The following CD101 variants were observed in gnomAD, a reference collection of about 807,000 sequenced individuals.
CD101 encodes the protein immunoglobulin superfamily member 2.
In CD101, 76 loss-of-function variants were observed where a neutral mutation model predicts 98.2. That is an observed-to-expected ratio of 0.77 (90% CI 0.64 to 0.94). The LOEUF (loss-of-function observed/expected upper bound fraction) is 0.94, where lower values mean the gene tolerates loss of function less well. CD101 is among the 40% of genes least tolerant of loss of function. The probability of loss-of-function intolerance (pLI) is 0.00; values close to 1 mark genes in which losing one functional copy is unlikely to be tolerated. For missense variants in CD101, 1,145 were observed against 1,218.8 expected (o/e 0.94, Z 0.90); for synonymous variants, 471 against 472.7 (o/e 1.00, Z 0.05).
rs1047886379 is a variant in CD101, at chr1:117,012,373, C to A, written c.841+407C>A. ...AGACATGCTAGATGCGCTGCCTAAG[C>A]CCACCCAGCTGGTGAGAGTGGGGCT... On this transcript the variant is annotated intron_variant, in intron 3 of 9. Coordinates refer to ENST00000682167, the MANE Select transcript of CD101 (RefSeq NM_001256106.3). The surrounding 1 kb of genome is among the most constrained non-coding windows in gnomAD (Gnocchi z 4.0). Among the ~76,000 whole-genome samples, 2 of 152,188 alleles carry A rather than the reference C, an allele frequency of 1.3e-5. No homozygotes were observed. Among genetic ancestry groups the A allele is most frequent in the African/African-American group, 2.4e-5 (1 of 41,450 alleles).
At chr1:117,028,552 G>A (rs1654114596) in intron 8 of CD101, among the ~76,000 whole-genome samples, 1 of 152,198 alleles carries the variant, frequency 6.6e-6, no homozygotes, top group African/African-American at 2.4e-5. Flanking sequence ...GTCATCCATA[G>A]GTAGCCAGTA....
In CD101 at chr1:117,021,627, C is replaced by T. The variant is rs749784429; in HGVS notation, c.2072C>T (p.Ser691Phe). 1 of 1,611,860 alleles carries T rather than the reference C, an allele frequency of 6.2e-7. No homozygotes were observed. The highest frequency in any genetic ancestry group is 8.5e-7 in the Non-Finnish European group (1 of 1,179,270). ...RSQVQELSINSNTDIECSILS... is the reference protein window; with the variant it reads ...RSQVQELSINFNTDIECSILS... ...CAAGTCCAAGAGCTCTCCATCAACT[C>T]CAACACTGATATAGAATGTAGCATC... The change falls in exon 7 of 10, where the codon TCC becomes TTC. Residue 691 changes from serine to phenylalanine, a missense_variant. By Grantham distance (155) the Ser-to-Phe change is radical. Transcript: ENST00000682167. This position sits in a 1 kb window ranked among gnomAD's most constrained non-coding sequence, Gnocchi z 4.7.
At position 117,029,200 on chromosome 1, in the gene CD101, AAAGAAAAGAAAGAAAAGAAAG is replaced by A. The variant is rs1654204913; in HGVS notation, c.2824+3299_2824+3319del. Among the ~76,000 whole-genome samples, 9 of 35,238 alleles carry A rather than the reference AAAGAAAAGAAAGAAAAGAAAG, an allele frequency of 2.6e-4. No individual in the cohort carries two copies. In the East Asian group the frequency reaches 4.1e-3, roughly 16 times the overall value. The allele number at this position is 35,238 out of a possible 152,430, so 23.1% of individuals were successfully genotyped here. On this transcript the variant is annotated intron_variant, in intron 8 of 9. Transcript: ENST00000682167. ...GAAAGAAAGAAAGAAAGAAAGAAAG[AAAGAAAAGAAAGAAAAGAAAG>A]AAAGAAAGAAAGAAAGAAAGAAAGA...
rs571604778 is a variant in CD101 at position 117,005,173 on chromosome 1, T to C, written c.43+3313T>C. 1.3e-5 allele frequency among the ~76,000 whole-genome samples: 2 copies of C among 152,264 alleles called. No homozygotes were observed. Among genetic ancestry groups the C allele is most frequent in the Admixed American group, 1.3e-4 (2 of 15,296 alleles). On this transcript the variant is annotated intron_variant, in intron 1 of 9. Transcript: ENST00000682167. The surrounding 1 kb of genome is among the most constrained non-coding windows in gnomAD (Gnocchi z 4.4). ...TTTAGGAAGACACAGACGTTGAGAC[T>C]ATAACACAGCACCCTCCCTGTCATC...
chr1:117,024,385 G>A (rs1354218442), intron 7 of CD101, among the ~76,000 whole-genome samples: 1 of 152,200 alleles, frequency 6.6e-6, no homozygotes, highest in Non-Finnish European at 1.5e-5. Flanking sequence ...GCTGAGGCAG[G>A]ATAATCGCTT....
Position 117,021,942 on chromosome 1 carries a change from A to C in CD101, c.2387A>C (p.Glu796Ala), listed in dbSNP as rs1054506120. The C allele has an allele frequency of 1.9e-6, 3 of 1,612,764 alleles. No individual in the cohort carries two copies. In the African/African-American group the frequency reaches 4.0e-5, roughly 22 times the overall value. Residue 796 changes from glutamate to alanine, a missense_variant, in exon 7 of 10, where the codon GAA becomes GCA. Transcript: ENST00000682167. The surrounding 1 kb of genome is among the most constrained non-coding windows in gnomAD (Gnocchi z 4.7). ...AATGGCACTTGGCACAAGCTTGGAG[A>C]AAAGAAGTCAGGACTAACAGAATTG... ...STNGTWHKLG[E>A]KKSGLTELKL...
At chr1:117,031,969 C>G (rs1221412270) in intron 8 of CD101, 2 of 152,192 alleles carry the variant, frequency 1.3e-5, no homozygotes, top group Non-Finnish European at 2.9e-5. Flanking sequence ...TCTATGCTTC[C>G]TTCTAGCCAC....
At position 117,019,756 on chromosome 1, in the gene CD101, A is replaced by G. The variant is rs930880816; in HGVS notation, c.2017+1196A>G. 1.3e-5 allele frequency among the ~76,000 whole-genome samples: 2 copies of G among 152,082 alleles called. No individual in the cohort carries two copies. The highest frequency in any genetic ancestry group is 2.4e-5 in the African/African-American group (1 of 41,418). ...TCTCCAAGACATGCCTGCACTCATT[A>G]TGTCAAAACATAAACCCACCATTAT... On this transcript the variant is annotated intron_variant, in intron 6 of 9. Transcript: ENST00000682167. The surrounding 1 kb of genome is among the most constrained non-coding windows in gnomAD (Gnocchi z 4.3).
chr1:117,021,565 A>C lies in CD101; in HGVS notation c.2018-8A>C. ...AGCAAAGTAACTGTTTCATTTTTTT[A>C]AATTTAGAGAGCAAGCTAAAAGTGA... On this transcript the variant is annotated splice_polypyrimidine_tract_variant and splice_region_variant and intron_variant, in intron 6 of 9. Transcript: ENST00000682167. The surrounding 1 kb of genome is among the most constrained non-coding windows in gnomAD (Gnocchi z 4.7). The C allele has an allele frequency of 6.4e-7, 1 of 1,551,086 alleles. No individual in the cohort carries two copies. Among genetic ancestry groups the C allele is most frequent in the Non-Finnish European group, 8.7e-7 (1 of 1,154,398 alleles).
At chr1:117,034,178 T>C in intron 9 of CD101, 44 bp downstream of exon 9, 1 of 1,551,864 alleles carries the variant, frequency 6.4e-7, no homozygotes, top group Non-Finnish European at 8.7e-7. Flanking sequence ...GAATGAATCC[T>C]GGTTCTGTCC....
chr1:117,004,507 A>G lies in CD101; in HGVS notation c.43+2647A>G, dbSNP rs73004114. On this transcript the variant is annotated intron_variant, in intron 1 of 9. Coordinates refer to ENST00000682167, the MANE Select transcript of CD101 (RefSeq NM_001256106.3). The surrounding 1 kb of genome is among the most constrained non-coding windows in gnomAD (Gnocchi z 4.1). ...GAGGAATTTTTGGTGTTTTGAAAGCATGATTCTAATGTTAGTATGTCAGTG... is the reference window on the plus strand; with the variant it reads ...GAGGAATTTTTGGTGTTTTGAAAGCGTGATTCTAATGTTAGTATGTCAGTG... Among the ~76,000 whole-genome samples the G allele has an allele frequency of 4.4e-3, 670 of 152,320 alleles. 4 individuals are homozygous for G. The highest frequency in any genetic ancestry group is 0.015 in the African/African-American group (639 of 41,564).
In CD101 at chr1:117,025,502, T is replaced by C. The variant is rs749319090; in HGVS notation, c.2429-7T>C. 7 of 1,516,936 alleles carry C rather than the reference T, an allele frequency of 4.6e-6. No individual in the cohort carries two copies. Among genetic ancestry groups the C allele is most frequent in the African/African-American group, 2.8e-5 (2 of 72,032 alleles). 94.0% of individuals were successfully genotyped at this position (1,516,936 alleles called of 1,614,324 possible). ...ATTCTCTAATTTACTGCCATTTTAT[T>C]TTCTAGGAAGTAAGGTACGTGTCTC... On this transcript the variant is annotated splice_polypyrimidine_tract_variant and splice_region_variant and intron_variant, in intron 7 of 9. Coordinates refer to ENST00000682167, the MANE Select transcript of CD101 (RefSeq NM_001256106.3).
In CD101 at chr1:117,010,827, T is replaced by C. The variant is rs959792994; in HGVS notation, c.424+597T>C. Among the ~76,000 whole-genome samples, 1 of 152,194 alleles carries C rather than the reference T, an allele frequency of 6.6e-6. No individual in the cohort carries two copies. The highest frequency in any genetic ancestry group is 2.4e-5 in the African/African-American group (1 of 41,446). The stretch of plus-strand genomic sequence containing the variant: ...GACTGCTTGGGCAGAATTCCCACTT[T>C]TGTTTCCTTTAGATTGTTCATACCA... On this transcript the variant is annotated intron_variant, in intron 2 of 9. Coordinates refer to ENST00000682167, the MANE Select transcript of CD101 (RefSeq NM_001256106.3). The surrounding 1 kb of genome is among the most constrained non-coding windows in gnomAD (Gnocchi z 5.2).
At chr1:117,003,434 G>A (rs1464253671) in intron 1 of CD101, among the ~76,000 whole-genome samples, 3 of 152,206 alleles carry the variant, frequency 2.0e-5, no homozygotes, top group Non-Finnish European at 2.9e-5. Context: ...GCTGGGTGAC[G>A]GATGCCTGCC....
In CD101 at chr1:117,012,082, GT is replaced by G; in HGVS notation, c.841+119del. 1 of 978,278 alleles carries G rather than the reference GT, an allele frequency of 1.0e-6. No homozygotes were observed. The highest frequency in any genetic ancestry group is 1.5e-6 in the Non-Finnish European group (1 of 667,554). The allele number at this position is 978,278 out of a possible 1,614,324, so 60.6% of individuals were successfully genotyped here. ...TTGGCTCTAAAAAATTGGCTAGAAA[GT>G]TTGATTTAATTTTGTATTTTTGTCA... On this transcript the variant is annotated intron_variant, in intron 3 of 9. Transcript: ENST00000682167. This position sits in a 1 kb window ranked among gnomAD's most constrained non-coding sequence, Gnocchi z 4.0.
In CD101 at chr1:117,011,838, G is replaced by C; in HGVS notation, c.713G>C (p.Arg238Thr). ...GPTTFRLSIERLQSSDQGQLF... is the reference protein window; with the variant it reads ...GPTTFRLSIETLQSSDQGQLF... The stretch of plus-strand genomic sequence containing the variant: ...ACTACATTCAGGCTGTCCATAGAGA[G>C]GCTCCAGTCCTCAGATCAGGGTCAG... Residue 238 changes from arginine (R) to threonine (T), a missense_variant, in exon 3 of 10, where the codon AGG (arginine) becomes ACG (threonine). Transcript: ENST00000682167. 6.2e-7 allele frequency: 1 copy of C among 1,614,140 alleles called. No homozygotes were observed. The highest frequency in any genetic ancestry group is 8.5e-7 in the Non-Finnish European group (1 of 1,180,018).
At chr1:117,008,145 A>G in intron 1 of CD101, among the ~76,000 whole-genome samples, 1 of 152,334 alleles carries the variant, frequency 6.6e-6, no homozygotes, top group Non-Finnish European at 1.5e-5. Flanking sequence ...ATTAATTTGG[A>G]CTTATGAATA....
intron 7 of CD101, among the ~76,000 whole-genome samples, chr1:117,024,181 A>T (rs767165138): frequency 6.6e-6 from 1 of 152,234 alleles, no homozygotes; most frequent in Non-Finnish European, 1.5e-5. Context: ...AAGACAGATT[A>T]ATAAATGTGT....
In CD101 at chr1:117,034,080, G is replaced by A; in HGVS notation, c.3045G>A (p.Glu1015=). 4 of 1,614,162 alleles carry A rather than the reference G, an allele frequency of 2.5e-6. No homozygotes were observed. Among genetic ancestry groups the A allele is most frequent in the Non-Finnish European group, 3.4e-6 (4 of 1,180,042 alleles). ...GGVTTNRRED[E]EEDEGN ...TGACCACAAATAGGAGGGAAGACGA[G>A]GAGGAAGATGAAGGCAACTGAATCC... The change falls in exon 9 of 10, where the codon GAG becomes GAA. Residue 1015 remains glutamate (E), a synonymous_variant. Coordinates refer to ENST00000682167, the MANE Select transcript of CD101 (RefSeq NM_001256106.3).
Sources: gnomAD v4.1 joint callset for allele counts (sites outside exome capture counted in the v4.1 genomes callset) on GRCh38, gnomAD v4.1.1 for gene constraint, Gnocchi (gnomAD v3.1) non-coding constraint, MANE v1.5 for transcripts, NCBI Gene and HGNC (gene_info 2026-07-23, HGNC 2026-07-21) for gene names.